The following SPMIP7 variants were observed in gnomAD, a reference collection of about 807,000 sequenced individuals.
SPMIP7 encodes the protein protein SPMIP7.
At chr7:50,129,589 A>C in the SPMIP7 span, 2 of 663,628 alleles carry the variant, frequency 3.0e-6, no homozygotes, top group Non-Finnish European at 5.2e-6. Context: ...AAATCTGGTC[A>C]ATCCAAGAGG....
the SPMIP7 span, among the ~76,000 whole-genome samples, chr7:50,126,662 T>C: frequency 3.3e-5 from 5 of 152,080 alleles, no homozygotes; most frequent in Non-Finnish European, 4.4e-5. Flanking sequence ...CAATAATTTA[T>C]AGAAAAGATA....
chr7:50,125,094 G>GTGTATATATATATATATATA, the SPMIP7 span, among the ~76,000 whole-genome samples: 1 of 73,820 alleles, frequency 1.4e-5, no homozygotes, highest in Non-Finnish European at 3.0e-5. Context: ...GTGAGATTAA[G>GTGTATATATATATATATATA]TATATATATA....
the SPMIP7 span, among the ~76,000 whole-genome samples, chr7:50,138,995 A>G: frequency 6.6e-6 from 1 of 152,192 alleles, no homozygotes; most frequent in South Asian, 2.1e-4. Flanking sequence ...ATACCCCACT[A>G]TAGACTCCAA....
chr7:50,105,675 T>G, the SPMIP7 span, among the ~76,000 whole-genome samples: 119,030 of 152,154 alleles, frequency 0.78, 46,635 homozygotes, highest in East Asian at 0.88. Context: ...ATGTTTTTCT[T>G]TGTCCTGTGC....
At chr7:50,158,307 C>T in the SPMIP7 span, among the ~76,000 whole-genome samples, 3 of 151,800 alleles carry the variant, frequency 2.0e-5, no homozygotes, top group Non-Finnish European at 4.4e-5. Context: ...CTTCTTCTGG[C>T]CTCTGGGTGA....
chr7:50,110,767 GATT>G, the SPMIP7 span, among the ~76,000 whole-genome samples: 2 of 116,830 alleles, frequency 1.7e-5, no homozygotes, highest in South Asian at 5.2e-4. Flanking sequence ...ATATGATATA[GATT>G]ATAATGTATA....
chr7:50,154,052 GT>G, the SPMIP7 span, among the ~76,000 whole-genome samples: 1 of 151,982 alleles, frequency 6.6e-6, no homozygotes, highest in Non-Finnish European at 1.5e-5. Context: ...ACTTGCATTT[GT>G]TTTTTTCTCA....
At chr7:50,122,522 TA>T in the SPMIP7 span, among the ~76,000 whole-genome samples, 1 of 151,294 alleles carries the variant, frequency 6.6e-6, no homozygotes, top group Non-Finnish European at 1.5e-5. Context: ...ACTTCATGTC[TA>T]AAACACTAAA....
chr7:50,154,895 T>C, the SPMIP7 span, among the ~76,000 whole-genome samples: 1 of 152,240 alleles, frequency 6.6e-6, no homozygotes, highest in African/African-American at 2.4e-5. Flanking sequence ...GCCATTCTAA[T>C]TGGTGTGAGG....
the SPMIP7 span, among the ~76,000 whole-genome samples, chr7:50,124,868 T>C: frequency 6.6e-6 from 1 of 151,632 alleles, no homozygotes; most frequent in Non-Finnish European, 1.5e-5. Flanking sequence ...GGAGGCCAAG[T>C]TGGGTGGATC....
the SPMIP7 span, among the ~76,000 whole-genome samples, chr7:50,153,609 G>T: frequency 6.6e-6 from 1 of 151,924 alleles, no homozygotes; most frequent in Non-Finnish European, 1.5e-5. Context: ...CTCATGTCAC[G>T]GTCCCAGGAA....
At chr7:50,120,641 C>A in the SPMIP7 span, among the ~76,000 whole-genome samples, 5 of 152,300 alleles carry the variant, frequency 3.3e-5, no homozygotes, top group African/African-American at 1.2e-4. Context: ...GAAAGAAACA[C>A]ATGACGTGAT....
chr7:50,130,403 A>G, the SPMIP7 span, among the ~76,000 whole-genome samples: 31 of 152,222 alleles, frequency 2.0e-4, 1 homozygote, highest in South Asian at 6.4e-3. Flanking sequence ...TTATAAAACC[A>G]TCAGATCTCG....
chr7:50,148,067 G>A, the SPMIP7 span, among the ~76,000 whole-genome samples: 4 of 152,164 alleles, frequency 2.6e-5, no homozygotes, highest in African/African-American at 9.7e-5. Flanking sequence ...AGTCTAAAGT[G>A]TTCCCCAGAG....
At chr7:50,145,625 T>A in the SPMIP7 span, among the ~76,000 whole-genome samples, 1 of 73,360 alleles carries the variant, frequency 1.4e-5, no homozygotes, top group East Asian at 9.5e-4. Context: ...TGTGTATATA[T>A]ATATATATAT....
chr7:50,134,298 G>C, the SPMIP7 span: 9 of 1,435,732 alleles, frequency 6.3e-6, no homozygotes, highest in African/African-American at 1.2e-4. Flanking sequence ...ATTGAAATGA[G>C]TTCTAAAACT....
At chr7:50,123,685 C>T in the SPMIP7 span, among the ~76,000 whole-genome samples, 1 of 151,806 alleles carries the variant, frequency 6.6e-6, no homozygotes, top group Non-Finnish European at 1.5e-5. Flanking sequence ...CACATTGTTT[C>T]TTCTAGAGGA....
the SPMIP7 span, among the ~76,000 whole-genome samples, chr7:50,108,915 T>G: frequency 6.6e-6 from 1 of 152,162 alleles, no homozygotes; most frequent in Non-Finnish European, 1.5e-5. Context: ...TATGAATTGA[T>G]GTATAGTACA....
At chr7:50,110,074 T>C in the SPMIP7 span, among the ~76,000 whole-genome samples, 1 of 152,106 alleles carries the variant, frequency 6.6e-6, no homozygotes, top group Non-Finnish European at 1.5e-5. Flanking sequence ...TGTAGTCAAT[T>C]TGAATATTTT....
Sources: allele counts gnomAD v4.1 joint callset (sites outside exome capture counted in the v4.1 genomes callset), GRCh38; gene constraint gnomAD v4.1.1; transcripts MANE v1.5; gene names NCBI Gene and HGNC (gene_info 2026-07-23, HGNC 2026-07-21).